The following CROT variants were observed in gnomAD, a reference collection of about 807,000 sequenced individuals.
The protein encoded by CROT is peroxisomal carnitine O-octanoyltransferase.
A neutral mutation model predicts 89.2 loss-of-function variants in CROT; 84 were observed. That is an observed-to-expected ratio of 0.94 (90% confidence interval 0.79 to 1.13). The LOEUF is 1.13. Ranked by LOEUF, CROT falls within the 50% of genes most tolerant of loss-of-function variation. The probability of loss-of-function intolerance (pLI) is 0.00; values close to 1 mark genes in which losing one functional copy is unlikely to be tolerated. For synonymous variants in CROT, 212 were observed against 239.5 expected, an observed-to-expected ratio of 0.89 and a Z score of 1.06; for missense variants, 711 against 727.8, an observed-to-expected ratio of 0.98 and a Z score of 0.27.
chr7:87,372,007 C>CAAAAAAAAAAAAAAAAAAAAAAAAAA, intron 7 of CROT, among the ~76,000 whole-genome samples: 1 of 124,002 alleles, frequency 8.1e-6, no homozygotes, highest in Non-Finnish European at 1.7e-5. Flanking sequence ...AAAAAAAAAA[C>CAAAAAAAAAAAAAAAAAAAAAAAAAA]AAAAAAAAAA....
chr7:87,350,091 AT>A (rs1338972074), intron 3 of CROT, among the ~76,000 whole-genome samples: 3 of 152,200 alleles, frequency 2.0e-5, no homozygotes, highest in Non-Finnish European at 2.9e-5. Flanking sequence ...ACTAATAACA[AT>A]GAATATTATA....
At chr7:87,377,538 G>A (rs982501672) in intron 10 of CROT, 88 bp downstream of exon 10, 2 of 739,176 alleles carry the variant, frequency 2.7e-6, no homozygotes, top group Admixed American at 2.5e-5. Flanking sequence ...GGGGAACAGT[G>A]TAAGTGAATA....
chr7:87,363,464 TTTG>T (rs1028415601), intron 6 of CROT, among the ~76,000 whole-genome samples: 9 of 152,140 alleles, frequency 5.9e-5, no homozygotes, highest in African/African-American at 1.9e-4. Context: ...TTAGTTCACT[TTTG>T]TTGTTGTTGT....
rs1317474507 is a variant in CROT at position 87,392,826 on chromosome 7, A to G, written c.1598+3A>G. ...ACGGACCCACTTTTTTCCAAAAGGT[A>G]ATATAGTGTAGTGTTTTACAGCTTC... On this transcript the variant is annotated splice_donor_region_variant and intron_variant, in intron 16 of 17. Transcript: ENST00000331536. 6.2e-7 allele frequency: 1 copy of G among 1,612,670 alleles called. No individual in the cohort carries two copies. The highest frequency in any genetic ancestry group is 8.5e-7 in the Non-Finnish European group (1 of 1,179,196).
At chr7:87,372,613 C>A (rs1584634861) in intron 7 of CROT, among the ~76,000 whole-genome samples, 2 of 152,024 alleles carry the variant, frequency 1.3e-5, no homozygotes, top group East Asian at 1.9e-4. Context: ...CTTAAAAAAA[C>A]CCAAAAGTTC....
At chr7:87,357,626 T>A (rs1034432865) in intron 3 of CROT, 1 of 836,458 alleles carries the variant, frequency 1.2e-6, no homozygotes, top group African/African-American at 1.7e-5. Context: ...AGACAGCTTA[T>A]TGAAAGCTAC....
rs769505830 is a variant in CROT, at chr7:87,392,634, A to G, written c.1494A>G (p.Ser498=). The change falls in exon 15 of 18, where the codon TCA becomes TCG. Residue 498 remains serine (S), a synonymous_variant. Coordinates refer to ENST00000331536, the MANE Select transcript of CROT (RefSeq NM_021151.4). ...AKHNKMMKDC[S]AGKGFDRHLL... Reference sequence around the variant, plus strand: ...ATAATAAAATGATGAAAGATTGTTCAGCTGGAAAAGGTACTTAAGTTAAAA... The same window carrying G: ...ATAATAAAATGATGAAAGATTGTTCGGCTGGAAAAGGTACTTAAGTTAAAA... The G allele has an allele frequency of 2.5e-6, 4 of 1,613,142 alleles. No homozygotes were observed. The highest frequency in any genetic ancestry group is 3.4e-6 in the Non-Finnish European group (4 of 1,179,488).
rs1271303685 is a variant in CROT at position 87,399,055 on chromosome 7, C to G, written c.*411C>G. 5.7e-6 allele frequency: 1 copy of G among 174,636 alleles called. No homozygotes were observed. Among genetic ancestry groups the G allele is most frequent in the African/African-American group, 2.4e-5 (1 of 41,544 alleles). 10.8% of individuals were successfully genotyped at this position (174,636 alleles called of 1,614,324 possible). On this transcript the variant is annotated 3_prime_UTR_variant, in exon 18 of 18. Transcript: ENST00000331536. ...CAAGCACTTTAATTTTTTTAGCTGC[C>G]AAAGGGTATGAATTACATTATTGTA...
chr7:87,389,472 A>G (rs1257880300), intron 13 of CROT, among the ~76,000 whole-genome samples: 4 of 152,338 alleles, frequency 2.6e-5, no homozygotes, highest in East Asian at 1.9e-4. Context: ...TGTCCTTTGC[A>G]GGGACATGGA....
chr7:87,365,489 C>CAA (rs112095343), intron 6 of CROT, among the ~76,000 whole-genome samples: 7 of 109,556 alleles, frequency 6.4e-5, no homozygotes, highest in South Asian at 2.9e-4. Flanking sequence ...GACTCCATCT[C>CAA]AAAAAAAAAA....
At chr7:87,353,525 T>C (rs1283485069) in intron 3 of CROT, among the ~76,000 whole-genome samples, 1 of 152,122 alleles carries the variant, frequency 6.6e-6, no homozygotes, top group Non-Finnish European at 1.5e-5. Context: ...TGCATTGATA[T>C]AAAGAAATAC....
intron 3 of CROT, among the ~76,000 whole-genome samples, chr7:87,353,088 C>T (rs1413172009): frequency 6.6e-6 from 1 of 152,120 alleles, no homozygotes; most frequent in African/African-American, 2.4e-5. Context: ...TAGTTAATAG[C>T]ACTTGATAAG....
rs536328716 is a variant in CROT, at chr7:87,349,639, T to C, written c.115+456T>C. Among the ~76,000 whole-genome samples the C allele has an allele frequency of 6.6e-5, 10 of 152,332 alleles. 2 individuals are homozygous for C. The South Asian group carries it at 1.9e-3, about 28-fold the overall frequency. On this transcript the variant is annotated intron_variant, in intron 3 of 17. Transcript: ENST00000331536. ...TTTCTACTGTTGTAGGAGTGTGTCA[T>C]TGTAAGTATCTTTAGGTTGTTTCCT...
chr7:87,359,456 A>G (rs1806207444), intron 4 of CROT, 126 bp downstream of exon 4: 2 of 1,426,510 alleles, frequency 1.4e-6, no homozygotes, highest in African/African-American at 1.5e-5. Flanking sequence ...TCATAATCCA[A>G]AAGAAGGAAT....
intron 6 of CROT, among the ~76,000 whole-genome samples, chr7:87,364,326 G>A (rs764737668): frequency 2.6e-5 from 4 of 152,148 alleles, no homozygotes; most frequent in Non-Finnish European, 5.9e-5. Context: ...ATCAGAGGAG[G>A]AGGAGCCAGC....
chr7:87,391,280 T>C (rs1159059709), intron 13 of CROT, among the ~76,000 whole-genome samples: 1 of 152,228 alleles, frequency 6.6e-6, no homozygotes, highest in Non-Finnish European at 1.5e-5. Context: ...AGTCACTGTC[T>C]AGCCTGCGCT....
chr7:87,363,146 T>C (rs1418786033), intron 6 of CROT, among the ~76,000 whole-genome samples: 3 of 152,202 alleles, frequency 2.0e-5, no homozygotes. Flanking sequence ...AGTAGGTATA[T>C]CCTTAGATAA....
rs1806128367 is a variant in CROT at position 87,357,710 on chromosome 7, T to C, written c.116-1496T>C. On this transcript the variant is annotated intron_variant, in intron 3 of 17. Coordinates refer to ENST00000331536, the MANE Select transcript of CROT (RefSeq NM_021151.4). ...ATCCTTATTTTAAGTTTTTCTTATA[T>C]AGAGCCTTTATCTATGTAAAGACTA... is the stretch of plus-strand genomic sequence containing the variant. The C allele has an allele frequency of 8.1e-6, 5 of 614,492 alleles. No individual in the cohort carries two copies. In the East Asian group the frequency reaches 1.4e-4, roughly 17 times the overall value. The allele number at this position is 614,492 out of a possible 1,614,324, so 38.1% of individuals were successfully genotyped here.
chr7:87,371,087 G>T (rs1430499414), intron 7 of CROT, among the ~76,000 whole-genome samples: 1 of 152,126 alleles, frequency 6.6e-6, no homozygotes, highest in Non-Finnish European at 1.5e-5. Flanking sequence ...ATGAACTCCA[G>T]TTTATTAATC....
Sources: allele counts gnomAD v4.1 joint callset (sites outside exome capture counted in the v4.1 genomes callset), GRCh38; gene constraint gnomAD v4.1.1; transcripts MANE v1.5; gene names NCBI Gene and HGNC (gene_info 2026-07-23, HGNC 2026-07-21).